CSMD1: variants seen among roughly 807,000 people sequenced by gnomAD.
The protein encoded by CSMD1 is CUB and sushi domain-containing protein 1.
Under a neutral mutation model 417.5 loss-of-function variants are expected in CSMD1, and 213 were observed. The observed-to-expected ratio is 0.51, with a 90% CI of 0.46 to 0.57. The LOEUF is 0.57. Ranked by LOEUF, CSMD1 falls within the 20% of genes least tolerant of loss-of-function variation. The pLI is 0.00. For missense variants in CSMD1, 6,923 were observed against 4,529.7 expected (o/e 1.53, Z -15.17); for synonymous variants, 2,862 against 1,736.8 (o/e 1.65, Z -16.11).
At chr8:4,005,876 G>A (rs956697201) in intron 4 of CSMD1, among the ~76,000 whole-genome samples, 3 of 152,214 alleles carry the variant, frequency 2.0e-5, no homozygotes, top group African/African-American at 4.8e-5. Flanking sequence ...ATGAACAGGA[G>A]CTGGCTGCCA....
At chr8:3,340,064 T>C (rs1807547018) in intron 23 of CSMD1, among the ~76,000 whole-genome samples, 1 of 152,232 alleles carries the variant, frequency 6.6e-6, no homozygotes, top group South Asian at 2.1e-4. Flanking sequence ...AGGCAATTCC[T>C]CTGCATGTAT....
rs990769439 is a variant in CSMD1, at chr8:4,008,768, G to A, written c.611-10658C>T. 4.0e-5 allele frequency among the ~76,000 whole-genome samples: 6 copies of A among 151,716 alleles called. No homozygotes were observed. In the East Asian group the frequency reaches 7.8e-4, roughly 20 times the overall value. On this transcript the variant is annotated intron_variant, in intron 4 of 69. Transcript: ENST00000635120. ...TGGGAATACAGGCATCCGGCACCACGCCTGGCTAATTTTTTGTGTTTTTGG... is the reference window on the plus strand; with the variant it reads ...TGGGAATACAGGCATCCGGCACCACACCTGGCTAATTTTTTGTGTTTTTGG...
At chr8:4,710,464 T>C (rs1649143468) in intron 1 of CSMD1, among the ~76,000 whole-genome samples, 1 of 144,844 alleles carries the variant, frequency 6.9e-6, no homozygotes, top group African/African-American at 2.5e-5. Flanking sequence ...TAATGGAATA[T>C]TATATATATA....
At chr8:4,828,400 T>C (rs1308820868) in intron 1 of CSMD1, among the ~76,000 whole-genome samples, 1 of 152,200 alleles carries the variant, frequency 6.6e-6, no homozygotes, top group Non-Finnish European at 1.5e-5. Flanking sequence ...GCTGTAGTTA[T>C]TTGATGACAT....
intron 3 of CSMD1, among the ~76,000 whole-genome samples, chr8:4,370,589 C>G (rs1410062137): frequency 1.3e-5 from 2 of 152,240 alleles, no homozygotes; most frequent in African/African-American, 2.4e-5. Flanking sequence ...TGTGTTTGGT[C>G]TCTTTGCATA....
intron 3 of CSMD1, among the ~76,000 whole-genome samples, chr8:4,044,617 G>C (rs1014153569): frequency 1.4e-5 from 2 of 143,242 alleles, no homozygotes; most frequent in African/African-American, 2.5e-5. Context: ...CTTCTCTCGT[G>C]CAATAAGAAG....
At chr8:3,230,938 T>G (rs1412945070) in intron 26 of CSMD1, among the ~76,000 whole-genome samples, 1 of 152,208 alleles carries the variant, frequency 6.6e-6, no homozygotes, top group Non-Finnish European at 1.5e-5. Context: ...GGCTGGTGCC[T>G]GTGCTTTCAG....
At chr8:3,961,944 A>G (rs1395739328) in intron 5 of CSMD1, among the ~76,000 whole-genome samples, 1 of 152,222 alleles carries the variant, frequency 6.6e-6, no homozygotes, top group Non-Finnish European at 1.5e-5. Flanking sequence ...TTCTTCCTCA[A>G]ATACCACATA....
At chr8:3,017,122 T>C (rs773261813) in intron 52 of CSMD1, among the ~76,000 whole-genome samples, 1 of 152,176 alleles carries the variant, frequency 6.6e-6, no homozygotes, top group African/African-American at 2.4e-5. Flanking sequence ...CAATCAACTG[T>C]AAGTTGCTGT....
intron 37 of CSMD1, among the ~76,000 whole-genome samples, chr8:3,166,536 A>C (rs1167087036): frequency 6.6e-6 from 1 of 152,178 alleles, no homozygotes; most frequent in East Asian, 1.9e-4. Context: ...TCCATCTCAA[A>C]AAAATAAAAT....
chr8:3,754,540 C>T (rs554708805), intron 5 of CSMD1, among the ~76,000 whole-genome samples: 48 of 152,038 alleles, frequency 3.2e-4, no homozygotes, highest in African/African-American at 1.0e-3. Context: ...CTGCAAGCTC[C>T]GCCTCCTGGG....
At position 3,021,385 on chromosome 8, in the gene CSMD1, C is replaced by T. The variant is rs554880246; in HGVS notation, c.7856-2735G>A. Among the ~76,000 whole-genome samples, 48 of 152,300 alleles carry T rather than the reference C, an allele frequency of 3.2e-4. 1 individual carries two copies. The highest frequency in any genetic ancestry group is 2.5e-3 in the Admixed American group (39 of 15,298). Reference sequence around the variant, plus strand: ...ATTAATAAAGATAGCAGCAATAACTCGGAAATCTTGCCTGACTGAAAAGGG... The same window carrying T: ...ATTAATAAAGATAGCAGCAATAACTTGGAAATCTTGCCTGACTGAAAAGGG... On this transcript the variant is annotated intron_variant, in intron 51 of 69. Transcript: ENST00000635120.
At chr8:4,822,413 A>G (rs1799573658) in intron 1 of CSMD1, among the ~76,000 whole-genome samples, 1 of 152,098 alleles carries the variant, frequency 6.6e-6, no homozygotes, top group Non-Finnish European at 1.5e-5. Context: ...ATTTTTTTAA[A>G]AAGATAATCT....
At chr8:4,020,445 T>C (rs1263215107) in intron 4 of CSMD1, among the ~76,000 whole-genome samples, 1 of 152,218 alleles carries the variant, frequency 6.6e-6, no homozygotes, top group Non-Finnish European at 1.5e-5. Context: ...TCTATTGATA[T>C]TATAGGATAG....
chr8:3,805,087 C>T (rs897757244), intron 5 of CSMD1, among the ~76,000 whole-genome samples: 34 of 142,462 alleles, frequency 2.4e-4, no homozygotes, highest in South Asian at 4.4e-4. Context: ...ACAGATACTA[C>T]GGGAACCCCA....
At chr8:3,004,303 C>T (rs1360001867) in intron 52 of CSMD1, among the ~76,000 whole-genome samples, 1 of 152,116 alleles carries the variant, frequency 6.6e-6, no homozygotes, top group Admixed American at 6.6e-5. Context: ...CCAATGTCTC[C>T]AACAGGCAAT....
At chr8:3,312,251 A>C (rs76639700) in intron 23 of CSMD1, among the ~76,000 whole-genome samples, 1 of 152,214 alleles carries the variant, frequency 6.6e-6, no homozygotes, top group Non-Finnish European at 1.5e-5. Context: ...ACACCTTGTC[A>C]TACAGAAGAA....
At chr8:2,990,624 C>A (rs1296185118) in intron 54 of CSMD1, among the ~76,000 whole-genome samples, 1 of 152,176 alleles carries the variant, frequency 6.6e-6, no homozygotes, top group African/African-American at 2.4e-5. Context: ...ACTAGGGACA[C>A]CTCTGTGAGC....
rs184315503 is a variant in CSMD1, at chr8:3,795,725, T to A, written c.819-41683A>T. Among the ~76,000 whole-genome samples, 36 of 51,200 alleles carry A rather than the reference T, an allele frequency of 7.0e-4. 8 individuals carry two copies. Among genetic ancestry groups the A allele is most frequent in the Non-Finnish European group, 1.2e-3 (30 of 24,552 alleles). 33.6% of individuals were successfully genotyped at this position (51,200 alleles called of 152,430 possible). Reference sequence around the variant, plus strand: ...TATATCTATCAAGTACAGCTATAGATATCTATCATGTACAGCTATAGATAC... The same window carrying A: ...TATATCTATCAAGTACAGCTATAGAAATCTATCATGTACAGCTATAGATAC... On this transcript the variant is annotated intron_variant, in intron 5 of 69. Transcript: ENST00000635120.
Sources: allele counts gnomAD v4.1 joint callset (sites outside exome capture counted in the v4.1 genomes callset), GRCh38; gene constraint gnomAD v4.1.1; transcripts MANE v1.5; gene names NCBI Gene and HGNC (gene_info 2026-07-23, HGNC 2026-07-21).